The following MTPAP variants were observed in gnomAD, a reference collection of about 807,000 sequenced individuals.
MTPAP encodes mitochondrial poly(A) polymerase.
In MTPAP, 23 loss-of-function variants were observed where a neutral mutation model predicts 48.7. The ratio of observed to expected loss-of-function variants is 0.47; its 90% CI spans 0.34 to 0.67. The LOEUF is 0.67. Among genes scored for constraint, MTPAP ranks in the 30% least tolerant of loss-of-function variants. The pLI, the probability that MTPAP is intolerant of heterozygous loss-of-function variation, is 0.01. For synonymous variants in MTPAP, 257 were observed against 254.1 expected, an observed-to-expected ratio of 1.01 and a Z score of -0.11; for missense variants, 614 against 694.3, an observed-to-expected ratio of 0.88 and a Z score of 1.30.
intron 4 of MTPAP, among the ~76,000 whole-genome samples, chr10:30,328,108 G>A (rs983591169): frequency 2.6e-5 from 4 of 152,076 alleles, no homozygotes; most frequent in Middle Eastern, 3.2e-3. Context: ...GGTAATTTAC[G>A]ACAGTTTTAG....
Position 30,320,235 on chromosome 10 carries a change from C to G in MTPAP, c.1219+2156G>C, listed in dbSNP as rs188066656. 1.1e-3 allele frequency among the ~76,000 whole-genome samples: 165 copies of G among 152,288 alleles called. 2 individuals are homozygous for G. Among genetic ancestry groups the G allele is most frequent in the African/African-American group, 3.8e-3 (159 of 41,562 alleles). The stretch of plus-strand genomic sequence containing the variant: ...CCAAGATTGCACCACTGCACTCCAG[C>G]CTGCCTACAAGGTAGAGCACAGTGG... On this transcript the variant is annotated intron_variant, in intron 6 of 8. Transcript: ENST00000263063.
intron 4 of MTPAP, among the ~76,000 whole-genome samples, chr10:30,336,058 T>C (rs1224112301): frequency 6.6e-6 from 1 of 151,020 alleles, no homozygotes; most frequent in East Asian, 1.9e-4. Flanking sequence ...GCACAGAAAA[T>C]AGGAAATAAA....
chr10:30,329,729 T>C (rs926241126), intron 4 of MTPAP, among the ~76,000 whole-genome samples: 2 of 151,920 alleles, frequency 1.3e-5, no homozygotes, highest in African/African-American at 4.8e-5. Flanking sequence ...AAAAGTTACC[T>C]AGTGGTCCAG....
intron 4 of MTPAP, among the ~76,000 whole-genome samples, chr10:30,335,082 CA>C (rs1834712547): frequency 6.6e-6 from 1 of 152,202 alleles, no homozygotes; most frequent in Non-Finnish European, 1.5e-5. Flanking sequence ...TAAGTTGTCT[CA>C]AAATATTGTT....
intron 3 of MTPAP, chr10:30,339,822 G>A (rs1462126483): frequency 1.4e-5 from 3 of 208,518 alleles, no homozygotes; most frequent in Admixed American, 5.3e-5. Flanking sequence ...GACTAAGTAG[G>A]GTTTATTCTG....
intron 1 of MTPAP, among the ~76,000 whole-genome samples, chr10:30,345,420 A>G (rs1006794769): frequency 6.6e-6 from 1 of 152,226 alleles, no homozygotes; most frequent in African/African-American, 2.4e-5. Context: ...ATGCAAATAT[A>G]TCCCTGCAGG....
intron 4 of MTPAP, among the ~76,000 whole-genome samples, chr10:30,326,990 T>C (rs999029885): frequency 6.6e-6 from 1 of 152,154 alleles, no homozygotes; most frequent in African/African-American, 2.4e-5. Context: ...CAGTTGACCA[T>C]TATATTTTAA....
Position 30,336,864 on chromosome 10 carries a change from A to C in MTPAP, c.719T>G (p.Leu240Ter). Residue 240 changes from leucine (L) to a stop codon, truncating the protein, a stop_gained, in exon 4 of 9, where the codon TTA becomes TGA. Coordinates refer to ENST00000263063, the MANE Select transcript of MTPAP (RefSeq NM_018109.4). LOFTEE classifies it high-confidence loss of function. ...FGSSVNTFGK[L>*]GCDLDMFLDL... ...CAAAAACATGTCCAAATCACATCCTAACTTCCCAAAAGTGTTGACTGAGGA... is the reference window on the plus strand; with the variant it reads ...CAAAAACATGTCCAAATCACATCCTCACTTCCCAAAAGTGTTGACTGAGGA... 6.2e-7 allele frequency: 1 copy of C among 1,612,780 alleles called. No individual in the cohort carries two copies. Among genetic ancestry groups the C allele is most frequent in the Non-Finnish European group, 8.5e-7 (1 of 1,180,010 alleles).
chr10:30,333,721 C>A (rs1027676966), intron 4 of MTPAP, among the ~76,000 whole-genome samples: 1 of 151,992 alleles, frequency 6.6e-6, no homozygotes, highest in African/African-American at 2.4e-5. Context: ...TCGAGACCAC[C>A]CTGGGCAACA....
Position 30,316,727 on chromosome 10 carries a change from T to C in MTPAP, c.1220-517A>G, listed in dbSNP as rs1254507242. Among the ~76,000 whole-genome samples the C allele has an allele frequency of 5.3e-5, 8 of 151,700 alleles. No individual in the cohort carries two copies. The South Asian group carries it at 1.0e-3, about 20-fold the overall frequency. Reference sequence around the variant, plus strand: ...CAATATGGTGAAACCCCATCTCTACTAAAAATACAAAAATTAGCCAGGCAT... The same window carrying C: ...CAATATGGTGAAACCCCATCTCTACCAAAAATACAAAAATTAGCCAGGCAT... On this transcript the variant is annotated intron_variant, in intron 6 of 8. Transcript: ENST00000263063.
At chr10:30,324,535 C>A (rs1238176972) in intron 5 of MTPAP, among the ~76,000 whole-genome samples, 1 of 151,900 alleles carries the variant, frequency 6.6e-6, no homozygotes, top group South Asian at 2.1e-4. Flanking sequence ...GCCTGGGCAA[C>A]AGAGAGAGAC....
chr10:30,333,432 C>A (rs970548281), intron 4 of MTPAP, among the ~76,000 whole-genome samples: 2 of 152,170 alleles, frequency 1.3e-5, no homozygotes, highest in African/African-American at 4.8e-5. Flanking sequence ...GATCACATTA[C>A]TAGTAAGTAG....
intron 1 of MTPAP, chr10:30,348,902 G>C (rs190406049): frequency 5.7e-4 from 360 of 635,280 alleles, no homozygotes; most frequent in East Asian, 6.4e-4. Context: ...GTACACAGGA[G>C]TCGCCCCAAA....
Position 30,313,812 on chromosome 10 carries a change from G to A in MTPAP, c.1546C>T (p.Arg516Ter), listed in dbSNP as rs773094167. ...AWILQQEDTD[R>*]PSISSNRPWG... ...GGCCGATTACTTGATATGGAAGGTC[G>A]ATCTGTATCTTCCTGTTGTAAAATC... The change falls in exon 9 of 9, where the codon CGA (arginine) becomes TGA (stop). Residue 516 changes from arginine to a stop codon, truncating the protein, a stop_gained. Coordinates refer to ENST00000263063, the MANE Select transcript of MTPAP (RefSeq NM_018109.4). LOFTEE classifies it low-confidence loss of function (END_TRUNC). The A allele has an allele frequency of 6.2e-7, 1 of 1,614,138 alleles. No homozygotes were observed. The highest frequency in any genetic ancestry group is 1.7e-5 in the Admixed American group (1 of 60,024).
intron 4 of MTPAP, among the ~76,000 whole-genome samples, chr10:30,329,936 T>C (rs1325383603): frequency 6.6e-6 from 1 of 151,824 alleles, no homozygotes; most frequent in Admixed American, 6.6e-5. Flanking sequence ...TTAAAGTTAT[T>C]ATCGGTAAAG....
chr10:30,335,335 A>C (rs1375542631), intron 4 of MTPAP, among the ~76,000 whole-genome samples: 2 of 151,970 alleles, frequency 1.3e-5, no homozygotes, highest in Non-Finnish European at 2.9e-5. Context: ...AAAACAAAAA[A>C]ATTAGCCGGG....
intron 6 of MTPAP, among the ~76,000 whole-genome samples, chr10:30,319,865 A>G (rs1373843202): frequency 6.6e-6 from 1 of 152,230 alleles, no homozygotes; most frequent in Non-Finnish European, 1.5e-5. Context: ...CAAAAATTTA[A>G]AAACAATCAA....
At chr10:30,321,081 T>C (rs1588713215) in intron 6 of MTPAP, among the ~76,000 whole-genome samples, 1 of 152,132 alleles carries the variant, frequency 6.6e-6, no homozygotes, top group African/African-American at 2.4e-5. Context: ...ACCTGACGCA[T>C]AGGAAGTAAT....
At position 30,329,503 on chromosome 10, in the gene MTPAP, T is replaced by C. The variant is rs377298787; in HGVS notation, c.781-2868A>G. ...CCCGCTGCAGCCTCCCAAAGTGCTG[T>C]CATTACAGGCATGAAGCACTGGGCC... On this transcript the variant is annotated intron_variant, in intron 4 of 8. Transcript: ENST00000263063. 1.0e-3 allele frequency among the ~76,000 whole-genome samples: 154 copies of C among 152,138 alleles called. 1 individual carries two copies. The highest frequency in any genetic ancestry group is 3.5e-3 in the African/African-American group (147 of 41,528).
Sources: gnomAD v4.1 joint callset for allele counts (sites outside exome capture counted in the v4.1 genomes callset) on GRCh38, gnomAD v4.1.1 for gene constraint, MANE v1.5 for transcripts, NCBI Gene and HGNC (gene_info 2026-07-23, HGNC 2026-07-21) for gene names.